Variants in PTPRA observed in about 807,000 individuals in gnomAD.
The protein encoded by PTPRA is receptor-type tyrosine-protein phosphatase alpha.
A neutral mutation model predicts 104.8 loss-of-function variants in PTPRA; 25 were observed. That is an observed-to-expected ratio of 0.24 (90% confidence interval 0.17 to 0.33). PTPRA has a LOEUF of 0.33. Ranked by LOEUF, PTPRA falls within the 10% of genes least tolerant of loss-of-function variation. The pLI is 1.00. For missense variants in PTPRA, 765 were observed against 1,015.3 expected (o/e 0.75, Z 3.35); for synonymous variants, 323 against 368.9 (o/e 0.88, Z 1.43).
chr20:2,905,462 CCAAATCTGCTTATGCCAGTTACA>C lies in PTPRA; in HGVS notation c.-128-17744_-128-17722del, dbSNP rs1324763840. ...ACTTCCAGGGGTCAGTATGTTTGTT[CCAAATCTGCTTATGCCAGTTACA>C]TTTAGTACTGTAATTTTATAATTTA... On this transcript the variant is annotated intron_variant, in intron 1 of 23. Transcript: ENST00000399903. Among the ~76,000 whole-genome samples the C allele has an allele frequency of 1.1e-3, 174 of 152,160 alleles. 2 individuals carry two copies. The highest frequency in any genetic ancestry group is 3.9e-3 in the African/African-American group (163 of 41,520).
chr20:2,944,354 T>C (rs1053659478), intron 2 of PTPRA, among the ~76,000 whole-genome samples: 1 of 152,204 alleles, frequency 6.6e-6, no homozygotes, highest in Non-Finnish European at 1.5e-5. Context: ...TCTGCTGGTC[T>C]TGATTGAAGT....
chr20:2,904,784 T>C (rs551416552), intron 1 of PTPRA, among the ~76,000 whole-genome samples: 24 of 146,624 alleles, frequency 1.6e-4, no homozygotes, highest in Non-Finnish European at 2.9e-4. Flanking sequence ...AGGAGTGAAA[T>C]GAAAAAAGAA....
chr20:2,976,791 G>A (rs577858310), intron 6 of PTPRA, among the ~76,000 whole-genome samples: 132 of 152,196 alleles, frequency 8.7e-4, no homozygotes, highest in Non-Finnish European at 1.4e-3. Context: ...TATTATAATC[G>A]GTTTGATAAG....
chr20:2,916,959 C>CT (rs35317223), intron 1 of PTPRA, among the ~76,000 whole-genome samples: 71,775 of 131,396 alleles, frequency 0.55, 20,046 homozygotes, highest in South Asian at 0.67. Flanking sequence ...TTTTTTATTT[C>CT]TTTTTTTTTT....
At chr20:2,876,063 G>A (rs2089698384) in intron 1 of PTPRA, among the ~76,000 whole-genome samples, 1 of 152,182 alleles carries the variant, frequency 6.6e-6, no homozygotes, top group Non-Finnish European at 1.5e-5. Context: ...TTTAAAGGAG[G>A]TCAGGGACTT....
intron 1 of PTPRA, among the ~76,000 whole-genome samples, chr20:2,915,540 AAC>A (rs2059870152): frequency 6.6e-6 from 1 of 152,138 alleles, no homozygotes; most frequent in Admixed American, 6.6e-5. Context: ...ATATCTGATT[AAC>A]ACATAGTTTC....
the PTPRA span, among the ~76,000 whole-genome samples, chr20:2,868,188 G>C: frequency 1.3e-5 from 2 of 152,100 alleles, no homozygotes; most frequent in Non-Finnish European, 2.9e-5. Flanking sequence ...GTGCCAGGTA[G>C]AATCTGGACT....
At chr20:2,883,266 A>G (rs1314067332) in intron 1 of PTPRA, among the ~76,000 whole-genome samples, 1 of 152,180 alleles carries the variant, frequency 6.6e-6, no homozygotes, top group Non-Finnish European at 1.5e-5. Context: ...AACCTAGCAA[A>G]TATCATTTGA....
chr20:2,886,206 G>C (rs2090374448), intron 1 of PTPRA, among the ~76,000 whole-genome samples: 1 of 152,082 alleles, frequency 6.6e-6, no homozygotes, highest in Admixed American at 6.6e-5. Flanking sequence ...TTGTATATTA[G>C]ATGATTTTTA....
At chr20:3,029,419 GT>G (rs1254871262) in intron 20 of PTPRA, among the ~76,000 whole-genome samples, 5 of 151,674 alleles carry the variant, frequency 3.3e-5, no homozygotes, top group Non-Finnish European at 7.4e-5. Context: ...AGGATTACAG[GT>G]TTGAACCACC....
In PTPRA at chr20:2,996,574, T is replaced by G. The variant is rs968921309; in HGVS notation, c.738+8100T>G. Among the ~76,000 whole-genome samples, 15 of 152,310 alleles carry G rather than the reference T, an allele frequency of 9.8e-5. No homozygotes were observed. In the East Asian group the frequency reaches 2.7e-3, roughly 27 times the overall value. ...TGTGACAAATGATGTCGTAAAAAAG[T>G]GGCCAACTGGGAGAATCTATTTGCC... On this transcript the variant is annotated intron_variant, in intron 9 of 23. Coordinates refer to ENST00000399903, the MANE Select transcript of PTPRA (RefSeq NM_001385305.1).
In PTPRA at chr20:2,989,948, C is replaced by T. The variant is rs149570948; in HGVS notation, c.738+1474C>T. Among the ~76,000 whole-genome samples, 4 of 152,016 alleles carry T rather than the reference C, an allele frequency of 2.6e-5. 1 individual carries two copies. Among genetic ancestry groups the T allele is most frequent in the African/African-American group, 7.2e-5 (3 of 41,452 alleles). On this transcript the variant is annotated intron_variant, in intron 9 of 23. Transcript: ENST00000399903. Reference sequence around the variant, plus strand: ...AGGAGAATGGTCAGAACCCGGGAGGCGGAGCTTGCAGTGAGCCGAGATCAT... The same window carrying T: ...AGGAGAATGGTCAGAACCCGGGAGGTGGAGCTTGCAGTGAGCCGAGATCAT...
intron 1 of PTPRA, among the ~76,000 whole-genome samples, chr20:2,908,543 A>G (rs933093892): frequency 1.3e-5 from 2 of 152,118 alleles, no homozygotes; most frequent in African/African-American, 4.8e-5. Flanking sequence ...AATAAACAAA[A>G]TGCTTCCCTA....
At position 2,986,784 on chromosome 20, in the gene PTPRA, G is replaced by A. The variant is rs78716368; in HGVS notation, c.462G>A (p.Ala154=). The A allele has an allele frequency of 2.8e-3, 4,457 of 1,612,770 alleles. 111 individuals are homozygous for A. In the Admixed American group the frequency reaches 0.044, roughly 16 times the overall value. Residue 154 remains alanine (A), a synonymous_variant, in exon 7 of 24, where the codon GCG becomes GCA. Transcript: ENST00000399903. ...TTTCAGATGAGACACCAATTATTGC[G>A]GTGATGGTGGCCCTGTCCTCTCTGC... ...KDRRDETPII[A]VMVALSSLLV...
chr20:2,936,951 T>C (rs2060725057), intron 2 of PTPRA, among the ~76,000 whole-genome samples: 1 of 152,140 alleles, frequency 6.6e-6, no homozygotes, highest in Non-Finnish European at 1.5e-5. Flanking sequence ...TCCTTGAACA[T>C]TTTTTAATAT....
At chr20:2,881,259 C>T (rs562046723) in intron 1 of PTPRA, among the ~76,000 whole-genome samples, 4 of 151,214 alleles carry the variant, frequency 2.6e-5, no homozygotes, top group South Asian at 2.1e-4. Context: ...TGCAGTGAGC[C>T]GAGATCTCGC....
At chr20:3,016,898 CCT>C (rs1364659334) in intron 12 of PTPRA, among the ~76,000 whole-genome samples, 1 of 152,204 alleles carries the variant, frequency 6.6e-6, no homozygotes, top group African/African-American at 2.4e-5. Context: ...AGCACCTCCC[CCT>C]CAGTCAGACA....
chr20:2,956,090 C>T lies in PTPRA; in HGVS notation c.-7+8066C>T, dbSNP rs565421098. Among the ~76,000 whole-genome samples, 6 of 152,188 alleles carry T rather than the reference C, an allele frequency of 3.9e-5. No homozygotes were observed. The South Asian group carries it at 1.2e-3, about 31-fold the overall frequency. On this transcript the variant is annotated intron_variant, in intron 3 of 23. Coordinates refer to ENST00000399903, the MANE Select transcript of PTPRA (RefSeq NM_001385305.1). ...CTTCGATTCTACCCCTATAAATCCTCTTCTCAGTCTCCTTTAGATATTCCT... is the reference window on the plus strand; with the variant it reads ...CTTCGATTCTACCCCTATAAATCCTTTTCTCAGTCTCCTTTAGATATTCCT...
intron 17 of PTPRA, among the ~76,000 whole-genome samples, chr20:3,025,542 T>C (rs2065092666): frequency 6.6e-6 from 1 of 151,316 alleles, no homozygotes; most frequent in South Asian, 2.1e-4. Context: ...TTCTCAAATA[T>C]AGCATGTGCA....
Sources: gnomAD v4.1 joint callset for allele counts (sites outside exome capture counted in the v4.1 genomes callset) on GRCh38, gnomAD v4.1.1 for gene constraint, MANE v1.5 for transcripts, NCBI Gene and HGNC (gene_info 2026-07-23, HGNC 2026-07-21) for gene names.